The following GFPT2 variants were observed in gnomAD, a reference collection of about 807,000 sequenced individuals.
The protein encoded by GFPT2 is glutamine--fructose-6-phosphate transaminase 2.
Under a neutral mutation model 85.6 loss-of-function variants are expected in GFPT2, and 62 were observed. The observed-to-expected ratio is 0.72, with a 90% CI of 0.59 to 0.90. The LOEUF (loss-of-function observed/expected upper bound fraction) is 0.90. Ranked by LOEUF, GFPT2 falls within the 40% of genes least tolerant of loss-of-function variation. GFPT2 has a pLI of 0.00. For missense variants in GFPT2, 788 were observed against 893.4 expected (o/e 0.88, Z 1.50); for synonymous variants, 368 against 344.5 (o/e 1.07, Z -0.75).
chr5:180,324,136 G>A (rs896262430), intron 9 of GFPT2, 52 bp downstream of exon 9: 20 of 984,166 alleles, frequency 2.0e-5, no homozygotes, highest in Admixed American at 7.5e-5. Flanking sequence ...GTTTAGACAG[G>A]CATTCTTTGA....
chr5:180,331,766 A>G (rs1182315497), intron 4 of GFPT2: 32 of 577,384 alleles, frequency 5.5e-5, no homozygotes, highest in South Asian at 4.8e-4. Context: ...GGCAGCGGCT[A>G]CTACAATGGG....
chr5:180,327,886 A>C (rs1358498027), intron 7 of GFPT2, among the ~76,000 whole-genome samples: 1 of 151,940 alleles, frequency 6.6e-6, no homozygotes, highest in African/African-American at 2.4e-5. Flanking sequence ...ATCAATATTC[A>C]CTTTGCTCCC....
intron 7 of GFPT2, among the ~76,000 whole-genome samples, chr5:180,327,050 G>A (rs1764221767): frequency 6.6e-6 from 1 of 152,066 alleles, no homozygotes; most frequent in Non-Finnish European, 1.5e-5. Flanking sequence ...TTTAGAAAAG[G>A]TTAAAAAAAA....
rs1206239152 is a variant in GFPT2, at chr5:180,325,019, G to T, written c.597-124C>A. ...TCCCAGTGGTGGAGGATCCTGTTTA[G>T]GTCCCACAGGACGGACGCCTGGAGC... On this transcript the variant is annotated intron_variant, in intron 7 of 18. Transcript: ENST00000253778. The T allele has an allele frequency of 1.5e-5, 11 of 715,230 alleles. No individual in the cohort carries two copies. The East Asian group carries it at 2.8e-4, about 18-fold the overall frequency. 44.3% of individuals were successfully genotyped at this position (715,230 alleles called of 1,614,324 possible). A position where few individuals can be genotyped will look rare whatever the true frequency, so the allele number is the denominator to read the frequency against.
At chr5:180,307,149 G>T (rs1174871538) in intron 16 of GFPT2, 27 bp downstream of exon 16, 1 of 954,342 alleles carries the variant, frequency 1.0e-6, no homozygotes, top group Non-Finnish European at 1.4e-6. Context: ...TCCTCCGTGG[G>T]GGTGGGGGCT....
intron 7 of GFPT2, among the ~76,000 whole-genome samples, chr5:180,325,799 C>G (rs990290376): frequency 1.3e-5 from 2 of 152,164 alleles, no homozygotes; most frequent in East Asian, 1.9e-4. Context: ...GGCTGAAGCG[C>G]GCAGATCACG....
intron 2 of GFPT2, among the ~76,000 whole-genome samples, chr5:180,337,457 A>G (rs960278347): frequency 2.6e-5 from 4 of 151,950 alleles, no homozygotes; most frequent in Non-Finnish European, 4.4e-5. Context: ...CATCTCGAAA[A>G]AAAAAAAAAA....
chr5:180,353,109 C>A (rs1317798718), intron 1 of GFPT2, 102 bp downstream of exon 1: 2 of 1,009,022 alleles, frequency 2.0e-6, no homozygotes, highest in Non-Finnish European at 2.5e-6. Flanking sequence ...CGCCCCCAGC[C>A]AGGTCCTCGG....
intron 14 of GFPT2, among the ~76,000 whole-genome samples, chr5:180,313,455 G>GA (rs553448447): frequency 7.1e-6 from 1 of 140,284 alleles, no homozygotes; most frequent in African/African-American, 2.6e-5. Context: ...GCCGGGTGTG[G>GA]GGCGGGTGCC....
chr5:180,313,569 G>A (rs1763940245), intron 14 of GFPT2, among the ~76,000 whole-genome samples: 1 of 151,516 alleles, frequency 6.6e-6, no homozygotes, highest in Non-Finnish European at 1.5e-5. Flanking sequence ...CAGCCTGGGC[G>A]ACAGAGTGAG....
intron 7 of GFPT2, among the ~76,000 whole-genome samples, chr5:180,325,415 C>T (rs1017129257): frequency 6.6e-6 from 1 of 152,228 alleles, no homozygotes; most frequent in African/African-American, 2.4e-5. Context: ...ATATTCTCTA[C>T]TTTGTAGGTG....
In GFPT2 at chr5:180,304,892, C is replaced by T. The variant is rs370674913; in HGVS notation, c.1722G>A (p.Gly574=). The change falls in exon 17 of 19, where the codon GGG becomes GGA. Residue 574 remains glycine, a synonymous_variant. Transcript: ENST00000253778. ...GTGCCAGGGGCCCGTGCTTCAGCTC[C>T]CCAGCCAGGATGCCTTCTGAGTGCA... ...TYMHSEGILA[G]ELKHGPLALI... The T allele has an allele frequency of 9.5e-5, 153 of 1,613,206 alleles. No individual in the cohort carries two copies. The highest frequency in any genetic ancestry group is 1.2e-4 in the Non-Finnish European group (145 of 1,179,246).
At chr5:180,312,935 C>A (rs555433188) in intron 14 of GFPT2, among the ~76,000 whole-genome samples, 224 of 152,246 alleles carry the variant, frequency 1.5e-3, no homozygotes, top group Non-Finnish European at 2.6e-3. Flanking sequence ...CGCCACCACA[C>A]CCGACTAATT....
At position 180,304,952 on chromosome 5, in the gene GFPT2, G is replaced by A. The variant is rs1191852498; in HGVS notation, c.1675-13C>T. ...TCTCTTTAATTTTCTGGAAACAGGAGGTGAGATCAGAGTCACACTGGGCAG... is the reference window on the plus strand; with the variant it reads ...TCTCTTTAATTTTCTGGAAACAGGAAGTGAGATCAGAGTCACACTGGGCAG... On this transcript the variant is annotated splice_polypyrimidine_tract_variant and intron_variant, in intron 16 of 18. Transcript: ENST00000253778. 2.5e-6 allele frequency: 4 copies of A among 1,594,070 alleles called. No individual in the cohort carries two copies. Among genetic ancestry groups the A allele is most frequent in the Non-Finnish European group, 3.4e-6 (4 of 1,163,368 alleles).
At chr5:180,307,084 C>T (rs78743609) in intron 16 of GFPT2, 92 bp downstream of exon 16, 12,369 of 1,111,398 alleles carry the variant, frequency 0.011, 354 homozygotes, top group African/African-American at 0.087. Context: ...CGGCCCTCCC[C>T]AAGCCCAACG....
At chr5:180,314,174 T>G (rs185628144) in intron 13 of GFPT2, among the ~76,000 whole-genome samples, 2 of 152,286 alleles carry the variant, frequency 1.3e-5, no homozygotes, top group Admixed American at 1.3e-4. Flanking sequence ...ATCTTTTCAT[T>G]TAAATCTCGT....
chr5:180,336,474 C>T lies in GFPT2; in HGVS notation c.214+5G>A. 1 of 1,538,338 alleles carries T rather than the reference C, an allele frequency of 6.5e-7. No individual in the cohort carries two copies. Among genetic ancestry groups the T allele is most frequent in the Non-Finnish European group, 9.0e-7 (1 of 1,110,786 alleles). ...GCTCCTCCCACTCAGAGGTCCTCCA[C>T]TTACTGTAAAGTTCTTCATCGAGAG... is the stretch of plus-strand genomic sequence containing the variant. On this transcript the variant is annotated splice_donor_5th_base_variant and intron_variant, in intron 3 of 18. Coordinates refer to ENST00000253778, the MANE Select transcript of GFPT2 (RefSeq NM_005110.4).
chr5:180,342,416 T>G (rs912041719), intron 1 of GFPT2, among the ~76,000 whole-genome samples: 1 of 147,514 alleles, frequency 6.8e-6, no homozygotes, highest in Non-Finnish European at 1.5e-5. Context: ...TGTTTTTTTT[T>G]TTTTTTTTTT....
chr5:180,336,039 G>T, intron 3 of GFPT2, 86 bp from the exon 4 acceptor site: 2 of 1,341,076 alleles, frequency 1.5e-6, no homozygotes, highest in Non-Finnish European at 1.0e-6. Flanking sequence ...CGTTACCCAA[G>T]TCACGTCACC....
Sources: allele counts gnomAD v4.1 joint callset (sites outside exome capture counted in the v4.1 genomes callset), GRCh38; gene constraint gnomAD v4.1.1; transcripts MANE v1.5; gene names NCBI Gene and HGNC (gene_info 2026-07-23, HGNC 2026-07-21).